Variants in FARS2 observed in about 807,000 individuals in gnomAD.
FARS2 encodes the protein phenylalanine--tRNA ligase, mitochondrial.
FARS2 carries 40 observed loss-of-function variants against 46.4 expected under a neutral mutation model. That is an observed-to-expected ratio of 0.86 (90% CI 0.67 to 1.12). FARS2 has a LOEUF of 1.12. Ranked by LOEUF, FARS2 falls within the 50% of genes most tolerant of loss-of-function variation. The pLI is 0.00. For missense variants in FARS2, 513 were observed against 567.9 expected, an observed-to-expected ratio of 0.90 and a Z score of 0.98; for synonymous variants, 234 against 214.9, an observed-to-expected ratio of 1.09 and a Z score of -0.78.
rs189029718 is a variant in FARS2, at chr6:5,588,834, C to T, written c.1066-24335C>T. 2.7e-3 allele frequency among the ~76,000 whole-genome samples: 404 copies of T among 152,298 alleles called. 3 individuals are homozygous for T. In the Middle Eastern group the frequency reaches 0.031, roughly 12 times the overall value. ...CCGGGCAACCTGGCATTACAGCCTTCAGTTCTGTTTTTCATCCTAAGGCCA... is the reference window on the plus strand; with the variant it reads ...CCGGGCAACCTGGCATTACAGCCTTTAGTTCTGTTTTTCATCCTAAGGCCA... On this transcript the variant is annotated intron_variant, in intron 5 of 6. Transcript: ENST00000274680.
rs190938932 is a variant in FARS2, at chr6:5,466,530, G to A, written c.904+35358G>A. The A allele has an allele frequency of 5.2e-5, 51 of 984,936 alleles. No individual in the cohort carries two copies. In the African/African-American group the frequency reaches 7.2e-4, roughly 14 times the overall value. The allele number at this position is 984,936 out of a possible 1,614,324, so 61.0% of individuals were successfully genotyped here. A position where few individuals can be genotyped will look rare whatever the true frequency, so the allele number is the denominator to read the frequency against. ...AAGGAAATATGTTGTATACCTCATTGGAAGTTTTGTTTGTTTGTTATTCCC... is the reference window on the plus strand; with the variant it reads ...AAGGAAATATGTTGTATACCTCATTAGAAGTTTTGTTTGTTTGTTATTCCC... On this transcript the variant is annotated intron_variant, in intron 4 of 6. Transcript: ENST00000274680.
At chr6:5,294,658 T>C (rs1767730870) in intron 1 of FARS2, among the ~76,000 whole-genome samples, 1 of 152,154 alleles carries the variant, frequency 6.6e-6, no homozygotes, top group South Asian at 2.1e-4. Context: ...CTCACAGGAC[T>C]CAGGGGAAAA....
the FARS2 span, among the ~76,000 whole-genome samples, chr6:5,252,270 G>C: frequency 6.6e-6 from 1 of 152,170 alleles, no homozygotes. Flanking sequence ...TTGTGGAAGC[G>C]GCAGCCCACG....
intron 1 of FARS2, among the ~76,000 whole-genome samples, chr6:5,333,590 A>G (rs1434980572): frequency 6.6e-6 from 1 of 152,172 alleles, no homozygotes; most frequent in Non-Finnish European, 1.5e-5. Context: ...GGAACCTCCT[A>G]CCTTGCCGGA....
intron 6 of FARS2, among the ~76,000 whole-genome samples, chr6:5,693,750 C>T (rs1206283869): frequency 6.6e-6 from 1 of 152,168 alleles, no homozygotes; most frequent in Non-Finnish European, 1.5e-5. Flanking sequence ...ACACATCTGG[C>T]ACTGGACGCT....
chr6:5,495,262 G>A (rs1178082186), intron 4 of FARS2, among the ~76,000 whole-genome samples: 1 of 152,224 alleles, frequency 6.6e-6, no homozygotes, highest in Non-Finnish European at 1.5e-5. Flanking sequence ...CCAGCTGGAA[G>A]ATGTAAATTT....
At chr6:5,395,713 G>T (rs1262640500) in intron 2 of FARS2, among the ~76,000 whole-genome samples, 1 of 152,198 alleles carries the variant, frequency 6.6e-6, no homozygotes, top group African/African-American at 2.4e-5. Context: ...AAAACACTGT[G>T]TGCTTATAAT....
At chr6:5,670,884 A>G (rs1428619243) in intron 6 of FARS2, among the ~76,000 whole-genome samples, 2 of 152,312 alleles carry the variant, frequency 1.3e-5, no homozygotes, top group Middle Eastern at 3.4e-3. Context: ...ACGAATTCTT[A>G]AGACTGAAAT....
chr6:5,578,837 A>C (rs1489400666), intron 5 of FARS2, among the ~76,000 whole-genome samples: 2 of 150,830 alleles, frequency 1.3e-5, no homozygotes, highest in Admixed American at 6.6e-5. Flanking sequence ...AAAAAAACAA[A>C]AAAAAAAGAA....
intron 5 of FARS2, among the ~76,000 whole-genome samples, chr6:5,588,903 G>A (rs1216168341): frequency 6.6e-6 from 1 of 152,256 alleles, no homozygotes; most frequent in East Asian, 1.9e-4. Flanking sequence ...TCACATCATC[G>A]CCATAGGCAA....
chr6:5,428,386 A>G (rs1762967204), intron 3 of FARS2, among the ~76,000 whole-genome samples: 1 of 152,184 alleles, frequency 6.6e-6, no homozygotes, highest in Admixed American at 6.6e-5. Flanking sequence ...CATTTAGGTA[A>G]TGTTTAATTA....
intron 4 of FARS2, among the ~76,000 whole-genome samples, chr6:5,446,121 T>G (rs977874575): frequency 4.6e-5 from 7 of 151,268 alleles, no homozygotes; most frequent in Non-Finnish European, 7.4e-5. Flanking sequence ...GAGAATGCCG[T>G]GAATCTGGGA....
chr6:5,383,277 A>T (rs907871278), intron 2 of FARS2, among the ~76,000 whole-genome samples: 1 of 152,260 alleles, frequency 6.6e-6, no homozygotes, highest in Non-Finnish European at 1.5e-5. Flanking sequence ...CTATTTGTAC[A>T]TAAAAGTATA....
chr6:5,491,194 A>G (rs931672225), intron 4 of FARS2, among the ~76,000 whole-genome samples: 10 of 152,140 alleles, frequency 6.6e-5, no homozygotes, highest in Non-Finnish European at 1.3e-4. Context: ...TTGAGCCTAT[A>G]TTCATGTTTT....
At chr6:5,257,329 G>A (rs1323516622), upstream of FARS2, among the ~76,000 whole-genome samples, 1 of 152,038 alleles carries the variant, frequency 6.6e-6, no homozygotes, top group African/African-American at 2.4e-5. Context: ...GCTGCTTCAT[G>A]CCTTTGATCC....
chr6:5,758,435 T>G (rs57418738), intron 6 of FARS2, among the ~76,000 whole-genome samples: 13,501 of 152,174 alleles, frequency 0.089, 1,065 homozygotes, highest in East Asian at 0.26. Context: ...GAAAAACTTA[T>G]CCGCTCTCAG....
chr6:5,769,797 C>T (rs1343461424), intron 6 of FARS2, among the ~76,000 whole-genome samples: 1 of 152,224 alleles, frequency 6.6e-6, no homozygotes, highest in East Asian at 1.9e-4. Flanking sequence ...GTGGTAACTT[C>T]CTCCTGTGGC....
chr6:5,688,898 A>C (rs1333102067), intron 6 of FARS2, among the ~76,000 whole-genome samples: 2 of 152,200 alleles, frequency 1.3e-5, no homozygotes, highest in African/African-American at 4.8e-5. Context: ...TGGTCTATTC[A>C]GAGATTCAAC....
chr6:5,546,683 G>A (rs974221260), intron 5 of FARS2, among the ~76,000 whole-genome samples: 34 of 150,732 alleles, frequency 2.3e-4, no homozygotes, highest in African/African-American at 7.8e-4. Flanking sequence ...TTCTTTTCCT[G>A]TGTGCTTTAT....
Sources: gnomAD v4.1 joint callset for allele counts (sites outside exome capture counted in the v4.1 genomes callset) on GRCh38, gnomAD v4.1.1 for gene constraint, MANE v1.5 for transcripts, NCBI Gene and HGNC (gene_info 2026-07-23, HGNC 2026-07-21) for gene names.